The following MID1 variants were observed in gnomAD, a reference collection of about 807,000 sequenced individuals.
The protein encoded by MID1 is E3 ubiquitin-protein ligase Midline-1.
Under a neutral mutation model 40.4 loss-of-function variants are expected in MID1, and 7 were observed. The ratio of observed to expected loss-of-function variants is 0.17; its 90% CI spans 0.10 to 0.33. The LOEUF (loss-of-function observed/expected upper bound fraction) is 0.33, where lower values mean the gene tolerates loss of function less well. MID1 is among the 10% of genes least tolerant of loss of function. The pLI is 1.00. For missense variants in MID1, 367 were observed against 558.5 expected, an observed-to-expected ratio of 0.66 and a Z score of 3.46; for synonymous variants, 229 against 221.2, an observed-to-expected ratio of 1.04 and a Z score of -0.31.
At position 10,613,696 on chromosome X, in the gene MID1, AATATATATATATAT is replaced by A. The variant is rs1177605401; in HGVS notation, c.-57+6580_-57+6593del. Among the ~76,000 whole-genome samples, 17 of 16,850 alleles carry A rather than the reference AATATATATATATAT, an allele frequency of 1.0e-3. No individual in the cohort carries two copies. The East Asian group carries it at 0.017, about 16-fold the overall frequency. 14.6% of individuals were successfully genotyped at this position (16,850 alleles called of 115,157 possible). A position where few individuals can be genotyped will look rare whatever the true frequency, so the allele number is the denominator to read the frequency against. ...TCTTGCCCAGAACACAACTGAAAGG[AATATATATATATAT>A]ATATATATATATATATATATATAGA... On this transcript the variant is annotated intron_variant, in intron 1 of 9. Transcript: ENST00000317552.
chrX:10,719,075 G>C (rs1415712915), intron 1 of MID1, among the ~76,000 whole-genome samples: 2 of 111,043 alleles, frequency 1.8e-5, no homozygotes, highest in Non-Finnish European at 3.8e-5. Flanking sequence ...TTATGACAAA[G>C]CCACAGCCAA....
intron 1 of MID1, among the ~76,000 whole-genome samples, chrX:10,597,039 A>C (rs1216711679): frequency 9.1e-6 from 1 of 109,613 alleles, no homozygotes; most frequent in Non-Finnish European, 1.9e-5. Context: ...TGTTGAAGGC[A>C]AAAAAAAAGA....
chrX:10,809,569 A>C (rs1270995822), intron 1 of MID1, among the ~76,000 whole-genome samples: 1 of 111,926 alleles, frequency 8.9e-6, no homozygotes, highest in Non-Finnish European at 1.9e-5. Context: ...AAAATGTGGC[A>C]CATACACACC....
At chrX:10,723,644 C>T (rs2043371953) in intron 1 of MID1, among the ~76,000 whole-genome samples, 2 of 112,896 alleles carry the variant, frequency 1.8e-5, no homozygotes, top group East Asian at 2.8e-4. Flanking sequence ...CTCCGCCTCC[C>T]GGGTTCACGC....
In MID1 at chrX:10,449,527, G is replaced by A. The variant is rs759306504; in HGVS notation, c.1845C>T (p.Ile615=). The change falls in exon 10 of 10, where the codon ATC becomes ATT. Residue 615 remains isoleucine, a synonymous_variant. Transcript: ENST00000317552. ...TGGAGTTCAAAGCATCATAAAAGGC[G>A]ATAGAGCCGTTATCATAGTCCAGCA... ...GILLDYDNGS[I]AFYDALNSIH... is the part of the protein sequence containing the mutation. 3 of 1,211,856 alleles carry A rather than the reference G, an allele frequency of 2.5e-6. No homozygotes were observed. In the South Asian group the frequency reaches 5.3e-5, roughly 21 times the overall value.
chrX:10,665,993 T>C (rs1272211526), intron 1 of MID1, among the ~76,000 whole-genome samples: 1 of 109,002 alleles, frequency 9.2e-6, no homozygotes, highest in Non-Finnish European at 1.9e-5. Context: ...GTCTCTTCCC[T>C]ATGACCAGAC....
chrX:10,452,595 G>T (rs753252474), intron 9 of MID1, among the ~76,000 whole-genome samples: 28 of 112,204 alleles, frequency 2.5e-4, no homozygotes, highest in Non-Finnish European at 5.1e-4. Flanking sequence ...TATGTCATTA[G>T]CTGTTGCAAG....
chrX:10,520,052 T>A (rs73477257), intron 3 of MID1, among the ~76,000 whole-genome samples: 6 of 112,269 alleles, frequency 5.3e-5, no homozygotes, highest in African/African-American at 1.6e-4. Context: ...CTGACAAACA[T>A]CATTGTGTTG....
chrX:10,706,462 G>A (rs1464425996), intron 1 of MID1, among the ~76,000 whole-genome samples: 1 of 110,845 alleles, frequency 9.0e-6, no homozygotes, highest in Non-Finnish European at 1.9e-5. Context: ...CATGGGGGTA[G>A]TTACACCCAT....
chrX:10,625,909 A>G (rs894215221), intron 1 of MID1, among the ~76,000 whole-genome samples: 2 of 111,841 alleles, frequency 1.8e-5, no homozygotes, highest in Non-Finnish European at 3.8e-5. Context: ...TAATAACTAC[A>G]TAATTATCAT....
intron 3 of MID1, among the ~76,000 whole-genome samples, chrX:10,497,930 A>T (rs1297656056): frequency 8.9e-6 from 1 of 112,490 alleles, no homozygotes; most frequent in Non-Finnish European, 1.9e-5. Context: ...TTTGTTGAAT[A>T]AATAAATAGG....
intron 1 of MID1, among the ~76,000 whole-genome samples, chrX:10,614,441 T>A (rs778486735): frequency 1.8e-5 from 2 of 112,075 alleles, no homozygotes; most frequent in Non-Finnish European, 3.8e-5. Flanking sequence ...TGCCCCCAAA[T>A]ATTGTCCCTG....
chrX:10,581,694 G>A (rs745417269), intron 1 of MID1, among the ~76,000 whole-genome samples: 1 of 112,329 alleles, frequency 8.9e-6, no homozygotes, highest in South Asian at 3.7e-4. Context: ...CATTTATGGA[G>A]CATCTTATGT....
chrX:10,521,732 A>G (rs1261803403), intron 3 of MID1, among the ~76,000 whole-genome samples: 3 of 112,479 alleles, frequency 2.7e-5, no homozygotes, highest in Non-Finnish European at 5.6e-5. Context: ...TCTGACAACT[A>G]AGATGCATTA....
In MID1 at chrX:10,545,821, C is replaced by CT. The variant is rs202136570; in HGVS notation, c.660+21066dup. 8.9e-4 allele frequency among the ~76,000 whole-genome samples: 99 copies of CT among 111,702 alleles called. No homozygotes were observed. The East Asian group carries it at 0.019, about 22-fold the overall frequency. ...AACAAGCTGGTGGTTTGTTTTATTG[C>CT]TTTTTTAACACTTTTATTTATCAGT... On this transcript the variant is annotated intron_variant, in intron 2 of 9. Coordinates refer to ENST00000317552, the MANE Select transcript of MID1 (RefSeq NM_000381.4).
chrX:10,560,343 T>C (rs1934285612), intron 2 of MID1, among the ~76,000 whole-genome samples: 1 of 111,449 alleles, frequency 9.0e-6, no homozygotes, highest in African/African-American at 3.3e-5. Flanking sequence ...ACCACTCCTA[T>C]TCAACACAGT....
chrX:10,656,944 T>G (rs747162753), intron 1 of MID1, among the ~76,000 whole-genome samples: 1 of 110,909 alleles, frequency 9.0e-6, no homozygotes, highest in East Asian at 2.9e-4. Flanking sequence ...GCCTTTCCAT[T>G]TCTATGCCCA....
At chrX:10,497,413 A>T (rs1350035187) in intron 3 of MID1, among the ~76,000 whole-genome samples, 1 of 111,902 alleles carries the variant, frequency 8.9e-6, no homozygotes, top group Non-Finnish European at 1.9e-5. Flanking sequence ...CCATCTCCAT[A>T]TCTGATCACT....
At chrX:10,507,937 A>C (rs1465915389) in intron 3 of MID1, among the ~76,000 whole-genome samples, 4 of 112,232 alleles carry the variant, frequency 3.6e-5, no homozygotes, top group Admixed American at 1.9e-4. Flanking sequence ...AGGTGACCAA[A>C]GTTTCCGGTT....
Sources: allele counts gnomAD v4.1 joint callset (sites outside exome capture counted in the v4.1 genomes callset), GRCh38; gene constraint gnomAD v4.1.1; transcripts MANE v1.5; gene names NCBI Gene and HGNC (gene_info 2026-07-23, HGNC 2026-07-21).